CACNA1I: variants seen among roughly 807,000 people sequenced by gnomAD.
CACNA1I encodes the protein calcium voltage-gated channel subunit alpha1 I.
Under a neutral mutation model 201.6 loss-of-function variants are expected in CACNA1I, and 74 were observed. That is an observed-to-expected ratio of 0.37 (90% CI 0.30 to 0.45). The LOEUF (loss-of-function observed/expected upper bound fraction) is 0.45, where lower values mean the gene tolerates loss of function less well. Among genes scored for constraint, CACNA1I ranks in the 20% least tolerant of loss-of-function variants. The pLI is 1.00. For synonymous variants in CACNA1I, 1,431 were observed against 1,345.2 expected, an observed-to-expected ratio of 1.06 and a Z score of -1.40; for missense variants, 2,346 against 3,138.1, an observed-to-expected ratio of 0.75 and a Z score of 6.03.
At chr22:39,580,854 T>G (rs925148106) in intron 1 of CACNA1I, among the ~76,000 whole-genome samples, 3 of 152,184 alleles carry the variant, frequency 2.0e-5, no homozygotes, top group South Asian at 4.1e-4. Flanking sequence ...TACCGATGGA[T>G]GGATTGATCA....
intron 4 of CACNA1I, among the ~76,000 whole-genome samples, chr22:39,620,583 G>A (rs575436958): frequency 1.6e-4 from 25 of 152,328 alleles, no homozygotes; most frequent in South Asian, 2.1e-4. Context: ...TTGGAGACAC[G>A]AGGTTACCTG....
chr22:39,590,395 C>T (rs944363919), intron 1 of CACNA1I, among the ~76,000 whole-genome samples: 1 of 152,208 alleles, frequency 6.6e-6, no homozygotes, highest in Admixed American at 6.5e-5. Flanking sequence ...GGGGCTGGAG[C>T]ATCTCTCTTC....
rs115110437 is a variant in CACNA1I at position 39,666,338 on chromosome 22, C to T, written c.4104+332C>T. Among the ~76,000 whole-genome samples, 2,634 of 152,106 alleles carry T rather than the reference C, an allele frequency of 0.017. 71 individuals are homozygous for T. The highest frequency in any genetic ancestry group is 0.058 in the African/African-American group (2,419 of 41,452). ...GTCCTGGAGGTGAATCCAGCTCTGCCACCTTCTGTAGGTGTGGCCTCCCTG... is the reference window on the plus strand; with the variant it reads ...GTCCTGGAGGTGAATCCAGCTCTGCTACCTTCTGTAGGTGTGGCCTCCCTG... On this transcript the variant is annotated intron_variant, in intron 23 of 36. Coordinates refer to ENST00000402142, the MANE Select transcript of CACNA1I (RefSeq NM_021096.4). This position sits in a 1 kb window ranked among gnomAD's most constrained non-coding sequence, Gnocchi z 4.1.
At position 39,649,446 on chromosome 22, in the gene CACNA1I, G is replaced by A. The variant is rs1934584274; in HGVS notation, c.1568-55G>A. The A allele has an allele frequency of 2.0e-6, 3 of 1,480,634 alleles. No homozygotes were observed. Among genetic ancestry groups the A allele is most frequent in the Admixed American group, 4.5e-5 (2 of 44,292 alleles). 91.7% of individuals were successfully genotyped at this position (1,480,634 alleles called of 1,614,324 possible). A position where few individuals can be genotyped will look rare whatever the true frequency, so the allele number is the denominator to read the frequency against. On this transcript the variant is annotated intron_variant, in intron 9 of 36. Transcript: ENST00000402142. The surrounding 1 kb of genome is among the most constrained non-coding windows in gnomAD (Gnocchi z 7.3). ...AGCGCACTCAGGGATGTGTCCCAGG[G>A]TGGATTGGGCCTGGTGTGGGCAACG... is the stretch of plus-strand genomic sequence containing the variant.
At chr22:39,606,918 C>CGT (rs1933237379) in intron 3 of CACNA1I, among the ~76,000 whole-genome samples, 1 of 152,262 alleles carries the variant, frequency 6.6e-6, no homozygotes, top group Non-Finnish European at 1.5e-5. Flanking sequence ...CACATTCTTG[C>CGT]TGAACTTGAG....
At position 39,684,375 on chromosome 22, in the gene CACNA1I, A is replaced by G; in HGVS notation, c.5904A>G (p.Ala1968=). 5 of 1,613,566 alleles carry G rather than the reference A, an allele frequency of 3.1e-6. No individual in the cohort carries two copies. The highest frequency in any genetic ancestry group is 4.2e-6 in the Non-Finnish European group (5 of 1,179,802). ...LPMPAEFFHP[A]VSASQKGPEK... ...TGCCAGCCGAGTTCTTCCACCCTGC[A>G]GTGTCTGCCAGCCAGAAAGGCCCAG... The change falls in exon 36 of 37, where the codon GCA becomes GCG. Residue 1968 remains alanine (A), a synonymous_variant. Transcript: ENST00000402142. The surrounding 1 kb of genome is among the most constrained non-coding windows in gnomAD (Gnocchi z 4.6).
At position 39,665,251 on chromosome 22, in the gene CACNA1I, G is replaced by C. The variant is rs1187204814; in HGVS notation, c.3852-247G>C. On this transcript the variant is annotated intron_variant, in intron 21 of 36. Coordinates refer to ENST00000402142, the MANE Select transcript of CACNA1I (RefSeq NM_021096.4). The surrounding 1 kb of genome is among the most constrained non-coding windows in gnomAD (Gnocchi z 5.5). ...TGGGCACAGTGAGGGGTGAGGGCAC[G>C]TACCCTGCTGCTGCTGTAGATCTGA... is the stretch of plus-strand genomic sequence containing the variant. 6.6e-6 allele frequency among the ~76,000 whole-genome samples: 1 copy of C among 152,128 alleles called. No homozygotes were observed. The highest frequency in any genetic ancestry group is 2.1e-4 in the South Asian group (1 of 4,832).
chr22:39,600,579 C>T lies in CACNA1I; in HGVS notation c.408C>T (p.Ala136=), dbSNP rs759739015. Residue 136 remains alanine (A), a synonymous_variant, in exon 3 of 37, where the codon GCC becomes GCT. Transcript: ENST00000402142. ...FAMEMVLKMV[A]LGIFGKKCYL... ...TGGAGATGGTGCTCAAGATGGTGGC[C>T]CTGGGGATTTTTGGCAAGAAGTGCT... 1.4e-5 allele frequency: 22 copies of T among 1,611,468 alleles called. No individual in the cohort carries two copies. The highest frequency in any genetic ancestry group is 1.7e-5 in the Non-Finnish European group (20 of 1,178,904).
At chr22:39,664,062 G>T in intron 19 of CACNA1I, 29 bp from the exon 20 acceptor site, 1 of 1,608,816 alleles carries the variant, frequency 6.2e-7, no homozygotes, top group Non-Finnish European at 8.5e-7. Flanking sequence ...GGGAGCCCCT[G>T]AGCCTATGGT....
At chr22:39,630,645 G>A (rs1934034506) in intron 4 of CACNA1I, among the ~76,000 whole-genome samples, 1 of 152,244 alleles carries the variant, frequency 6.6e-6, no homozygotes, top group African/African-American at 2.4e-5. Flanking sequence ...AGGCAGAGCC[G>A]GGAACTGGCA....
In CACNA1I at chr22:39,658,323, C is replaced by T. The variant is rs1601505046; in HGVS notation, c.2144+20C>T. The T allele has an allele frequency of 3.1e-6, 5 of 1,610,690 alleles. No individual in the cohort carries two copies. Among genetic ancestry groups the T allele is most frequent in the East Asian group, 2.2e-5 (1 of 44,826 alleles). ...CATCAGGTACCCCTCCCCCAACCCA[C>T]CCGGCAGCAGAGTGCCTCGGGGGGA... On this transcript the variant is annotated intron_variant, in intron 11 of 36. Coordinates refer to ENST00000402142, the MANE Select transcript of CACNA1I (RefSeq NM_021096.4).
chr22:39,685,883 G>T lies in CACNA1I; in HGVS notation c.6150G>T (p.Ala2050=). The T allele has an allele frequency of 1.4e-6, 2 of 1,457,144 alleles. No homozygotes were observed. The highest frequency in any genetic ancestry group is 1.8e-6 in the Non-Finnish European group (2 of 1,112,834). The allele number at this position is 1,457,144 out of a possible 1,614,324, so 90.3% of individuals were successfully genotyped here. A position where few individuals can be genotyped will look rare whatever the true frequency, so the allele number is the denominator to read the frequency against. Reference sequence around the variant, plus strand: ...CCCGGCGTGCCCTGGGGCCGCCCGCGCCTGCTCCAGGACCCCGGGCCGGCC... The same window carrying T: ...CCCGGCGTGCCCTGGGGCCGCCCGCTCCTGCTCCAGGACCCCGGGCCGGCC... ...DSPRRALGPP[A]PAPGPRAGLS... is the part of the protein sequence containing the mutation. The change falls in exon 37 of 37, where the codon GCG becomes GCT. Residue 2050 remains alanine (A), a synonymous_variant. Coordinates refer to ENST00000402142, the MANE Select transcript of CACNA1I (RefSeq NM_021096.4). The surrounding 1 kb of genome is among the most constrained non-coding windows in gnomAD (Gnocchi z 5.0).
In CACNA1I at chr22:39,677,417, T is replaced by G; in HGVS notation, c.4931T>G (p.Leu1644Arg). 6.4e-7 allele frequency: 1 copy of G among 1,570,294 alleles called. No homozygotes were observed. Among genetic ancestry groups the G allele is most frequent in the Non-Finnish European group, 8.6e-7 (1 of 1,159,608 alleles). The change falls in exon 30 of 37, where the codon CTG (leucine) becomes CGG (arginine). Residue 1644 changes from leucine (L) to arginine (R), a missense_variant and splice_region_variant. Leu to Arg is a moderately radical substitution (Grantham distance 102). Coordinates refer to ENST00000402142, the MANE Select transcript of CACNA1I (RefSeq NM_021096.4). The surrounding 1 kb of genome is among the most constrained non-coding windows in gnomAD (Gnocchi z 4.8). The stretch of plus-strand genomic sequence containing the variant: ...CTCGGGGTGGAGCTCTTTGGGAAGC[T>G]GGGTGAGTGACTCCCAGAGCAGGCC... ...AALGVELFGK[L>R]VCNDENPCEG...
chr22:39,636,173 C>A (rs905589009), intron 5 of CACNA1I, among the ~76,000 whole-genome samples: 1 of 152,192 alleles, frequency 6.6e-6, no homozygotes, highest in South Asian at 2.1e-4. Flanking sequence ...CTAGGCCTGG[C>A]GTGTTGGAGA....
chr22:39,651,907 C>A (rs911521950), intron 10 of CACNA1I, among the ~76,000 whole-genome samples: 5 of 152,218 alleles, frequency 3.3e-5, no homozygotes, highest in African/African-American at 1.2e-4. Flanking sequence ...CCATCCATGT[C>A]AACACCACGG....
rs1486094060 is a variant in CACNA1I at position 39,595,314 on chromosome 22, TA to T, written c.237-2831del. Among the ~76,000 whole-genome samples, 6 of 146,174 alleles carry T rather than the reference TA, an allele frequency of 4.1e-5. No homozygotes were observed. The East Asian group carries it at 1.2e-3, about 30-fold the overall frequency. ...AAATAAATAAATAAATAAACAAAAA[TA>T]AAAAATAAAATAAAATAAAACAATT... On this transcript the variant is annotated intron_variant, in intron 1 of 36. Coordinates refer to ENST00000402142, the MANE Select transcript of CACNA1I (RefSeq NM_021096.4).
chr22:39,635,474 T>C (rs1405650335), intron 5 of CACNA1I, among the ~76,000 whole-genome samples: 1 of 152,124 alleles, frequency 6.6e-6, no homozygotes, highest in African/African-American at 2.4e-5. Flanking sequence ...GTGGGGACAC[T>C]GTACAGGTGA....
chr22:39,655,264 C>CG (rs200247150), intron 10 of CACNA1I, among the ~76,000 whole-genome samples: 1 of 85,592 alleles, frequency 1.2e-5, no homozygotes, highest in Admixed American at 1.4e-4. Context: ...GAGGGCTTCC[C>CG]GGGGGGCAGC....
intron 2 of CACNA1I, among the ~76,000 whole-genome samples, chr22:39,599,957 C>A (rs1484113046): frequency 6.6e-6 from 1 of 152,252 alleles, no homozygotes; most frequent in South Asian, 2.1e-4. Flanking sequence ...AGAAAGGCAA[C>A]ACTGAGGCCT....
Sources: gnomAD v4.1 joint callset for allele counts (sites outside exome capture counted in the v4.1 genomes callset) on GRCh38, gnomAD v4.1.1 for gene constraint, Gnocchi (gnomAD v3.1) non-coding constraint, MANE v1.5 for transcripts, NCBI Gene and HGNC (gene_info 2026-07-23, HGNC 2026-07-21) for gene names.